Variants in AKAP13 observed in about 807,000 individuals in gnomAD.
AKAP13 encodes the protein A-kinase anchor protein 13.
Under a neutral mutation model 264.5 loss-of-function variants are expected in AKAP13, and 80 were observed. The ratio of observed to expected loss-of-function variants is 0.30; its 90% confidence interval spans 0.25 to 0.36. The LOEUF is 0.36. Ranked by LOEUF, AKAP13 falls within the 10% of genes least tolerant of loss-of-function variation. The probability of loss-of-function intolerance (pLI) is 1.00; values close to 1 mark genes in which losing one functional copy is unlikely to be tolerated. For synonymous variants in AKAP13, 1,380 were observed against 1,250.2 expected, an observed-to-expected ratio of 1.10 and a Z score of -2.19; for missense variants, 3,712 against 3,435.2, an observed-to-expected ratio of 1.08 and a Z score of -2.01.
intron 3 of AKAP13, among the ~76,000 whole-genome samples, chr15:85,529,291 G>C (rs948095197): frequency 3.3e-5 from 5 of 152,142 alleles, no homozygotes; most frequent in Admixed American, 2.6e-4. Context: ...CATGGTGGCG[G>C]GTGCCTGTAG....
intron 13 of AKAP13, among the ~76,000 whole-genome samples, chr15:85,665,399 A>G (rs916253879): frequency 1.3e-5 from 2 of 152,148 alleles, no homozygotes; most frequent in Non-Finnish European, 2.9e-5. Flanking sequence ...AATTTTCCCA[A>G]TTCTCTAAAA....
intron 1 of AKAP13, among the ~76,000 whole-genome samples, chr15:85,463,806 CTT>C (rs546749750): frequency 1.4e-5 from 2 of 144,448 alleles, no homozygotes; most frequent in Non-Finnish European, 1.5e-5. Flanking sequence ...TGGGTCTTTA[CTT>C]TTTTTTTTTT....
intron 8 of AKAP13, among the ~76,000 whole-genome samples, chr15:85,612,507 C>T (rs370621384): frequency 6.6e-6 from 1 of 152,024 alleles, no homozygotes; most frequent in African/African-American, 2.4e-5. Flanking sequence ...TTTGAATTGA[C>T]TATTTGATGG....
intron 8 of AKAP13, among the ~76,000 whole-genome samples, chr15:85,633,732 G>C (rs2151457208): frequency 6.6e-6 from 1 of 151,728 alleles, no homozygotes; most frequent in African/African-American, 2.4e-5. Flanking sequence ...TTTTAGTAGA[G>C]ACGGGGTTTC....
At chr15:85,726,965 TGC>T in intron 27 of AKAP13, 99 bp from the exon 28 acceptor site, 1 of 1,300,080 alleles carries the variant, frequency 7.7e-7, no homozygotes, top group East Asian at 2.3e-5. Context: ...TCAAACTATG[TGC>T]TTTTTTAACA....
At chr15:85,556,076 G>T (rs1468948194) in intron 5 of AKAP13, among the ~76,000 whole-genome samples, 1 of 152,170 alleles carries the variant, frequency 6.6e-6, no homozygotes, top group South Asian at 2.1e-4. Flanking sequence ...ATAAGTTTTA[G>T]AGTTAGCTCT....
intron 8 of AKAP13, among the ~76,000 whole-genome samples, chr15:85,611,713 T>C (rs1285405728): frequency 1.3e-5 from 2 of 152,260 alleles, no homozygotes; most frequent in Non-Finnish European, 2.9e-5. Context: ...TTGCTTTTCC[T>C]ATTGTAGCGA....
chr15:85,466,843 T>G (rs2074759321), intron 1 of AKAP13, among the ~76,000 whole-genome samples: 2 of 152,222 alleles, frequency 1.3e-5, no homozygotes, highest in Admixed American at 6.5e-5. Flanking sequence ...TCCTTTGATC[T>G]TTTTCCTGGT....
chr15:85,505,569 A>T (rs1339595830), intron 2 of AKAP13, among the ~76,000 whole-genome samples: 1 of 152,212 alleles, frequency 6.6e-6, no homozygotes, highest in East Asian at 1.9e-4. Context: ...TGCCAAATAA[A>T]ATTCTTTAAT....
intron 9 of AKAP13, among the ~76,000 whole-genome samples, chr15:85,641,004 A>G (rs2082282919): frequency 6.6e-6 from 1 of 152,204 alleles, no homozygotes; most frequent in Admixed American, 6.6e-5. Context: ...ACAGAATTGC[A>G]GATCAGAATT....
chr15:85,466,873 T>C (rs17623915), intron 1 of AKAP13, among the ~76,000 whole-genome samples: 21,000 of 152,208 alleles, frequency 0.14, 1,854 homozygotes, highest in Non-Finnish European at 0.21. Flanking sequence ...TTAATTTTTG[T>C]CCACTGCTAT....
At chr15:85,468,294 GT>G (rs1446887760) in intron 1 of AKAP13, among the ~76,000 whole-genome samples, 1 of 152,180 alleles carries the variant, frequency 6.6e-6, no homozygotes, top group Non-Finnish European at 1.5e-5. Context: ...GACGGTCAGA[GT>G]CTTAGCCCTT....
intron 1 of AKAP13, among the ~76,000 whole-genome samples, chr15:85,403,123 T>G (rs1049115252): frequency 1.3e-5 from 2 of 152,192 alleles, no homozygotes; most frequent in Non-Finnish European, 1.5e-5. Flanking sequence ...AATGAGAAAT[T>G]TGTAAGATTA....
chr15:85,595,370 A>G (rs2079772713), intron 8 of AKAP13, among the ~76,000 whole-genome samples: 2 of 152,198 alleles, frequency 1.3e-5, no homozygotes, highest in African/African-American at 4.8e-5. Flanking sequence ...AAGTGCTGGG[A>G]ATACAGGCAT....
chr15:85,551,356 A>G (rs1239134827), intron 5 of AKAP13, among the ~76,000 whole-genome samples: 1 of 152,222 alleles, frequency 6.6e-6, no homozygotes, highest in African/African-American at 2.4e-5. Flanking sequence ...TATTTTGTGT[A>G]AATTCTCATA....
At position 85,579,167 on chromosome 15, in the gene AKAP13, C is replaced by A; in HGVS notation, c.1099C>A (p.Arg367Ser). ...CATAGTTGAGGAGGAGAATACAGACCGTTCCTGTAGGAAGAAAAATAAAGG... is the reference window on the plus strand; with the variant it reads ...CATAGTTGAGGAGGAGAATACAGACAGTTCCTGTAGGAAGAAAAATAAAGG... ...SSIVEEENTD[R>S]SCRKKNKGVE... The change falls in exon 7 of 37, where the codon CGT becomes AGT. Residue 367 changes from arginine (R) to serine (S), a missense_variant. By Grantham distance (110) the Arg-to-Ser change is moderately radical. Around this residue, in one of 3 missense-constraint regions of AKAP13, gnomAD observed 2,759 missense variants for 2,411.7 expected, o/e 1.14. Transcript: ENST00000394518. The A allele has an allele frequency of 6.2e-7, 1 of 1,614,106 alleles. No individual in the cohort carries two copies. The highest frequency in any genetic ancestry group is 1.3e-5 in the African/African-American group (1 of 75,012).
rs1268584017 is a variant in AKAP13, at chr15:85,381,597, A to T, written c.-12+799A>T. On this transcript the variant is annotated intron_variant, in intron 1 of 36. Coordinates refer to ENST00000394518, the MANE Select transcript of AKAP13 (RefSeq NM_007200.5). ...AAAGGAAAAACCCTAAAACTTTTTA[A>T]AAAAAAATCAAGAAAGGGGGTAGAT... 1.0e-4 allele frequency: 13 copies of T among 124,132 alleles called. No homozygotes were observed. The East Asian group carries it at 2.0e-3, about 19-fold the overall frequency. The allele number at this position is 124,132 out of a possible 1,614,324, so 7.7% of individuals were successfully genotyped here.
At position 85,407,401 on chromosome 15, in the gene AKAP13, TA is replaced by T. The variant is rs1405344676; in HGVS notation, c.-12+26607del. Reference sequence around the variant, plus strand: ...CGCTGCCATGCCTGGCTAATTTTTTTAAAATTTTTTTTATTTTTAGTAGAGA... The same window carrying T: ...CGCTGCCATGCCTGGCTAATTTTTTTAAATTTTTTTTATTTTTAGTAGAGA... On this transcript the variant is annotated intron_variant, in intron 1 of 36. Transcript: ENST00000394518. 2.0e-5 allele frequency among the ~76,000 whole-genome samples: 3 copies of T among 151,540 alleles called. No homozygotes were observed. In the East Asian group the frequency reaches 5.8e-4, roughly 29 times the overall value.
At chr15:85,700,078 T>G (rs1411616908) in intron 17 of AKAP13, among the ~76,000 whole-genome samples, 1 of 152,242 alleles carries the variant, frequency 6.6e-6, no homozygotes, top group Non-Finnish European at 1.5e-5. Context: ...CAGTGTATAT[T>G]TAGCCTTGTA....
Sources: gnomAD v4.1 joint callset for allele counts (sites outside exome capture counted in the v4.1 genomes callset) on GRCh38, gnomAD v4.1.1 for gene constraint, gnomAD v4.1.1 regional missense constraint, MANE v1.5 for transcripts, NCBI Gene and HGNC (gene_info 2026-07-23, HGNC 2026-07-21) for gene names.